Variants in SLC8B1 observed in about 807,000 individuals in gnomAD.
SLC8B1 encodes the protein solute carrier family 8 member B1, also known as mitochondrial sodium/calcium exchanger protein.
SLC8B1 carries 52 observed loss-of-function variants against 63.4 expected under a neutral mutation model. The observed-to-expected ratio is 0.82, with a 90% CI of 0.66 to 1.03. The LOEUF (loss-of-function observed/expected upper bound fraction) is 1.03, where lower values mean the gene tolerates loss of function less well. Ranked by LOEUF, SLC8B1 falls within the 50% of genes least tolerant of loss-of-function variation. SLC8B1 has a pLI of 0.00. For synonymous variants in SLC8B1, 336 were observed against 323.9 expected, an observed-to-expected ratio of 1.04 and a Z score of -0.40; for missense variants, 657 against 741.7, an observed-to-expected ratio of 0.89 and a Z score of 1.33.
chr12:113,316,831 G>C, intron 9 of SLC8B1, 111 bp downstream of exon 9: 2 of 1,484,666 alleles, frequency 1.3e-6, no homozygotes, highest in Non-Finnish European at 1.9e-6. Flanking sequence ...TGAGAGGTGG[G>C]GCCGATTTGG....
In SLC8B1 at chr12:113,321,126, G is replaced by A. The variant is rs765520166; in HGVS notation, c.310-18C>T. Reference sequence around the variant, plus strand: ...CAGGAAACCTGGGTGGGGAGCGGGCGAGGAAGGGAGAGTCAAGTCCAGCTG... The same window carrying A: ...CAGGAAACCTGGGTGGGGAGCGGGCAAGGAAGGGAGAGTCAAGTCCAGCTG... On this transcript the variant is annotated intron_variant, in intron 3 of 15. Coordinates refer to ENST00000680972, the MANE Select transcript of SLC8B1 (RefSeq NM_001358345.2). 17 of 1,613,880 alleles carry A rather than the reference G, an allele frequency of 1.1e-5. No individual in the cohort carries two copies. The East Asian group carries it at 1.1e-4, about 11-fold the overall frequency.
rs779208467 is a variant in SLC8B1 at position 113,332,722 on chromosome 12, C to T, written c.156+1G>A. On this transcript the variant is annotated splice_donor_variant, in intron 2 of 15. Coordinates refer to ENST00000680972, the MANE Select transcript of SLC8B1 (RefSeq NM_001358345.2). LOFTEE classifies it high-confidence loss of function. Reference sequence around the variant, plus strand: ...CCCCAGGTTCCTACCGGGATACTCACGTCTACCACGGGGGTCTGGTTCACA... The same window carrying T: ...CCCCAGGTTCCTACCGGGATACTCATGTCTACCACGGGGGTCTGGTTCACA... 10 of 1,612,702 alleles carry T rather than the reference C, an allele frequency of 6.2e-6. No homozygotes were observed. The highest frequency in any genetic ancestry group is 5.3e-5 in the African/African-American group (4 of 74,898).
At chr12:113,301,491 C>T (rs1380271016) in intron 15 of SLC8B1, among the ~76,000 whole-genome samples, 1 of 151,946 alleles carries the variant, frequency 6.6e-6, no homozygotes, top group Non-Finnish European at 1.5e-5. Context: ...TGTCTGCCAC[C>T]ACGCCTGGCT....
chr12:113,318,846 A>G (rs1956880640), intron 8 of SLC8B1, 118 bp downstream of exon 8: 1 of 722,848 alleles, frequency 1.4e-6, no homozygotes, highest in African/African-American at 1.8e-5. Context: ...TAGAAAGAGC[A>G]TGAAGAGGAG....
rs149411391 is a variant in SLC8B1 at position 113,321,222 on chromosome 12, G to A, written c.283C>T (p.Leu95Phe). The change falls in exon 3 of 16, where the codon CTC (leucine) becomes TTC (phenylalanine). Residue 95 changes from leucine to phenylalanine, a missense_variant. Coordinates refer to ENST00000680972, the MANE Select transcript of SLC8B1 (RefSeq NM_001358345.2). ...EGIFCHFPPSLLPLAVTLYVS... is the reference protein window; with the variant it reads ...EGIFCHFPPSFLPLAVTLYVS... ...TAGAGAGTGACAGCCAGAGGGAGGA[G>A]GCTGGGAGGGAAGTGGCAGAAGATG... 2 of 1,614,178 alleles carry A rather than the reference G, an allele frequency of 1.2e-6. No homozygotes were observed.
intron 12 of SLC8B1, chr12:113,308,586 TTCACA>T (rs1189355646): frequency 2.0e-5 from 3 of 152,166 alleles, no homozygotes; most frequent in Admixed American, 6.6e-5. Flanking sequence ...TCGTGGACAT[TTCACA>T]TCAATGGAAT....
In SLC8B1 at chr12:113,300,498, T is replaced by TAAC. The variant is rs959168970; in HGVS notation, c.1558-527_1558-525dup. ...ACTCTGTCTCAAAAAATAAATAAAATAACAACAACAACAACAACAACAATG... is the reference window on the plus strand; with the variant it reads ...ACTCTGTCTCAAAAAATAAATAAAATAACAACAACAACAACAACAACAACAATG... On this transcript the variant is annotated intron_variant, in intron 15 of 15. Transcript: ENST00000680972. 1.8e-3 allele frequency among the ~76,000 whole-genome samples: 276 copies of TAAC among 151,008 alleles called. 4 individuals carry two copies. Among genetic ancestry groups the TAAC allele is most frequent in the African/African-American group, 5.7e-3 (233 of 41,118 alleles).
At chr12:113,324,199 G>A (rs907136531) in intron 2 of SLC8B1, among the ~76,000 whole-genome samples, 5 of 151,944 alleles carry the variant, frequency 3.3e-5, no homozygotes, top group African/African-American at 1.2e-4. Context: ...TGTGGTTCCA[G>A]CTACTTCAGA....
chr12:113,319,009 G>T lies in SLC8B1; in HGVS notation c.757C>A (p.Arg253=). The T allele has an allele frequency of 6.2e-7, 1 of 1,614,040 alleles. No individual in the cohort carries two copies. The highest frequency in any genetic ancestry group is 8.5e-7 in the Non-Finnish European group (1 of 1,179,944). The change falls in exon 8 of 16, where the codon CGG becomes AGG. Residue 253 remains arginine (R), a synonymous_variant. Transcript: ENST00000680972. The part of the protein sequence containing the change: ...TVILCTWIYQ[R]QRRGSLFCPM... ...CAGAACAGAGATCCTCTCCGTTGCC[G>T]TTGGTAGATCCAGGTGCAGAGAATC...
chr12:113,322,114 C>T (rs1165334393), intron 2 of SLC8B1, among the ~76,000 whole-genome samples: 2 of 152,088 alleles, frequency 1.3e-5, no homozygotes, highest in Non-Finnish European at 2.9e-5. Flanking sequence ...GGGAGGATCA[C>T]CTGAGCCCAG....
chr12:113,328,545 T>C (rs1957022686), intron 2 of SLC8B1, among the ~76,000 whole-genome samples: 1 of 152,166 alleles, frequency 6.6e-6, no homozygotes, highest in Non-Finnish European at 1.5e-5. Context: ...GTAAAGCTCG[T>C]CTGGTCAGCT....
Position 113,307,821 on chromosome 12 carries a change from C to T in SLC8B1, c.1281G>A (p.Leu427=). 1.2e-6 allele frequency: 2 copies of T among 1,613,080 alleles called. No individual in the cohort carries two copies. The highest frequency in any genetic ancestry group is 8.5e-7 in the Non-Finnish European group (1 of 1,179,994). Residue 427 remains leucine (L), a synonymous_variant, in exon 13 of 16, where the codon CTG becomes CTA. Coordinates refer to ENST00000680972, the MANE Select transcript of SLC8B1 (RefSeq NM_001358345.2). ...CCGCGTTGATCCACAGGGCGCTGGT[C>T]AGAAAGCCCAGGAAAGCAAAGAGCT... ...LHWLFAFLGF[L]TSALWINAAA...
intron 2 of SLC8B1, among the ~76,000 whole-genome samples, chr12:113,331,154 C>A (rs1439424236): frequency 1.3e-5 from 2 of 151,956 alleles, no homozygotes; most frequent in Non-Finnish European, 1.5e-5. Flanking sequence ...CTTTCTCCCA[C>A]CACTGGGAGA....
intron 11 of SLC8B1, among the ~76,000 whole-genome samples, chr12:113,311,002 A>G (rs1309337901): frequency 1.3e-5 from 2 of 152,164 alleles, no homozygotes; most frequent in African/African-American, 4.8e-5. Flanking sequence ...ATGGCTCCCA[A>G]ATGACAGGGG....
chr12:113,310,253 T>A lies in SLC8B1; in HGVS notation c.1238A>T (p.Gln413Leu). 6.2e-7 allele frequency: 1 copy of A among 1,614,032 alleles called. No homozygotes were observed. The highest frequency in any genetic ancestry group is 1.6e-4 in the Middle Eastern group (1 of 6,062). The change falls in exon 12 of 16, where the codon CAG (glutamine) becomes CTG (leucine). Residue 413 changes from glutamine to leucine, a missense_variant. By Grantham distance (113) the Gln-to-Leu change is moderately radical. Transcript: ENST00000680972. ...TCTTACCCAGTGAAGCCTGGGGGGCTGGCTGTCAGATGTGGCAAAAAAGGT... is the reference window on the plus strand; with the variant it reads ...TCTTACCCAGTGAAGCCTGGGGGGCAGGCTGTCAGATGTGGCAAAAAAGGT... ...SVTFFATSDS[Q>L]PPRLHWLFAF...
chr12:113,303,041 A>G (rs563731985), intron 15 of SLC8B1, among the ~76,000 whole-genome samples: 2 of 149,634 alleles, frequency 1.3e-5, no homozygotes, highest in Non-Finnish European at 3.0e-5. Flanking sequence ...TAAACTCAGC[A>G]CAAAGGTGGT....
At chr12:113,333,302 T>C (rs1242343579) in intron 1 of SLC8B1, among the ~76,000 whole-genome samples, 6 of 152,098 alleles carry the variant, frequency 3.9e-5, no homozygotes, top group Admixed American at 3.9e-4. Context: ...GAGATACATG[T>C]GGGAAGTGGG....
chr12:113,321,017 C>CCATT, intron 4 of SLC8B1, 39 bp downstream of exon 4: 1 of 1,602,140 alleles, frequency 6.2e-7, no homozygotes, highest in Non-Finnish European at 8.5e-7. Flanking sequence ...ACCCCTCCTC[C>CCATT]CATTGATAAG....
In SLC8B1 at chr12:113,307,745, G is replaced by A. The variant is rs1294042255; in HGVS notation, c.1357C>T (p.Leu453=). The A allele has an allele frequency of 6.2e-7, 1 of 1,614,018 alleles. No homozygotes were observed. The highest frequency in any genetic ancestry group is 2.2e-5 in the East Asian group (1 of 44,880). The change falls in exon 13 of 16, where the codon CTG becomes TTG. Residue 453 remains leucine, a synonymous_variant. Coordinates refer to ENST00000680972, the MANE Select transcript of SLC8B1 (RefSeq NM_001358345.2). ...GTGAGCCCCAGCACAGTGTTGCTCAGCCGGAAGACCACACCCAGGGACCGC... is the reference window on the plus strand; with the variant it reads ...GTGAGCCCCAGCACAGTGTTGCTCAACCGGAAGACCACACCCAGGGACCGC... ...ILRSLGVVFR[L]SNTVLGLTLL... is the part of the protein sequence containing the mutation.
Sources: gnomAD v4.1 joint callset for allele counts (sites outside exome capture counted in the v4.1 genomes callset) on GRCh38, gnomAD v4.1.1 for gene constraint, MANE v1.5 for transcripts, NCBI Gene and HGNC (gene_info 2026-07-23, HGNC 2026-07-21) for gene names.